Variants in ZNF705G observed in about 807,000 individuals in gnomAD.
The protein encoded by ZNF705G is zinc finger protein 705G.
Under a neutral mutation model 19.6 loss-of-function variants are expected in ZNF705G, and 23 were observed. That is an observed-to-expected ratio of 1.17 (90% CI 0.84 to 1.66). The LOEUF is 1.66. Among genes scored for constraint, ZNF705G ranks in the 40% most tolerant of loss-of-function variants. The pLI is 0.00. For missense variants in ZNF705G, 457 were observed against 354.4 expected, an observed-to-expected ratio of 1.29 and a Z score of -2.32; for synonymous variants, 146 against 117.7, an observed-to-expected ratio of 1.24 and a Z score of -1.56.
At chr8:7,358,953 G>A (rs1410999848) in intron 6 of ZNF705G, among the ~76,000 whole-genome samples, 2 of 149,506 alleles carry the variant, frequency 1.3e-5, no homozygotes, top group Non-Finnish European at 2.9e-5. Context: ...AATGCATATT[G>A]ATTGTCTCCC....
At chr8:7,380,054 C>T (rs1807418641) in intron 2 of ZNF705G, among the ~76,000 whole-genome samples, 1 of 142,966 alleles carries the variant, frequency 7.0e-6, no homozygotes, top group Non-Finnish European at 1.5e-5. Flanking sequence ...CAGTGTCCTA[C>T]ACTCCAGGGA....
intron 1 of ZNF705G, among the ~76,000 whole-genome samples, chr8:7,384,312 G>A (rs1298904801): frequency 6.9e-6 from 1 of 145,456 alleles, no homozygotes; most frequent in Non-Finnish European, 1.5e-5. Context: ...AAAAATCTTA[G>A]GAGGAGTCAA....
At chr8:7,362,816 C>T in intron 3 of ZNF705G, 119 bp downstream of exon 3, 2 of 1,585,062 alleles carry the variant, frequency 1.3e-6, no homozygotes, top group Non-Finnish European at 8.5e-7. Context: ...GATTTTACAT[C>T]ATAAAAACAA....
At chr8:7,366,211 C>T (rs1806849240) in intron 2 of ZNF705G, among the ~76,000 whole-genome samples, 1 of 95,682 alleles carries the variant, frequency 1.0e-5, no homozygotes, top group Admixed American at 1.1e-4. Context: ...AATGGAAAAT[C>T]CTATTATCTT....
In ZNF705G at chr8:7,360,273, T is replaced by C; in HGVS notation, c.199A>G (p.Arg67Gly). 6.6e-7 allele frequency: 1 copy of C among 1,520,320 alleles called. No individual in the cohort carries two copies. Among genetic ancestry groups the C allele is most frequent in the Non-Finnish European group, 9.0e-7 (1 of 1,117,266 alleles). 94.2% of individuals were successfully genotyped at this position (1,520,320 alleles called of 1,614,324 possible). A position where few individuals can be genotyped will look rare whatever the true frequency, so the allele number is the denominator to read the frequency against. Residue 67 changes from arginine to glycine, a missense_variant, in exon 5 of 7, where the codon AGG becomes GGG. Physicochemically the swap from Arg to Gly is moderately radical, Grantham distance 125. Coordinates refer to ENST00000400156, the MANE Select transcript of ZNF705G (RefSeq NM_001164457.3). ...LQLEQGKELW[R>G]EGRVFLQDQN... ...TCTTGAAGAAATACTCTTCCTTCCC[T>C]CCACAGCTCTTTTCCTTGCTCCAGC...
chr8:7,360,205 C>T (rs1181933639), intron 5 of ZNF705G, 32 bp downstream of exon 5: 1 of 1,588,508 alleles, frequency 6.3e-7, no homozygotes, highest in East Asian at 2.2e-5. Flanking sequence ...AAAGCACCTC[C>T]TCCTATTAGA....
chr8:7,364,494 G>A (rs1224313730), intron 2 of ZNF705G, among the ~76,000 whole-genome samples: 1 of 149,536 alleles, frequency 6.7e-6, no homozygotes, highest in Non-Finnish European at 1.5e-5. Context: ...ATGATCAACA[G>A]AGTTTGAAAA....
In ZNF705G at chr8:7,380,837, T is replaced by G. The variant is rs556771822; in HGVS notation, c.-72+615A>C. The stretch of plus-strand genomic sequence containing the variant: ...GAGTTCAAGACCAGCCTGACCAACA[T>G]GGAGAAACTCCATCTCTACTAAAGA... On this transcript the variant is annotated intron_variant, in intron 2 of 6. Coordinates refer to ENST00000400156, the MANE Select transcript of ZNF705G (RefSeq NM_001164457.3). 7.9e-3 allele frequency among the ~76,000 whole-genome samples: 1,138 copies of G among 143,780 alleles called. 98 individuals carry two copies. Among genetic ancestry groups the G allele is most frequent in the African/African-American group, 0.032 (1,084 of 34,158 alleles). 94.3% of individuals were successfully genotyped at this position (143,780 alleles called of 152,430 possible). A position where few individuals can be genotyped will look rare whatever the true frequency, so the allele number is the denominator to read the frequency against.
At chr8:7,384,963 G>A (rs1206040192) in intron 1 of ZNF705G, among the ~76,000 whole-genome samples, 6 of 145,874 alleles carry the variant, frequency 4.1e-5, no homozygotes, top group Non-Finnish European at 7.4e-5. Context: ...GCTGGGATTT[G>A]AACTATCCAC....
At chr8:7,378,136 T>G (rs1370733529) in intron 2 of ZNF705G, among the ~76,000 whole-genome samples, 1 of 147,752 alleles carries the variant, frequency 6.8e-6, no homozygotes, top group Non-Finnish European at 1.5e-5. Flanking sequence ...TCACCCTGCA[T>G]GTGGGAAGAC....
rs1471232209 is a variant in ZNF705G, at chr8:7,358,290, C to A, written c.589G>T (p.Glu197Ter). Residue 197 changes from glutamate to a stop codon, truncating the protein, a stop_gained, in exon 7 of 7, where the codon GAG (glutamate) becomes TAG (stop). Coordinates refer to ENST00000400156, the MANE Select transcript of ZNF705G (RefSeq NM_001164457.3). LOFTEE classifies it high-confidence loss of function. ...LRRHKMTHTG[E>*]RPYACHLCRK... is the part of the protein sequence containing the mutation. ...CATAGATGACATGCATATGGCCTCT[C>A]TCCAGTGTGAGTCATCTTGTGCCGT... The A allele has an allele frequency of 6.2e-7, 1 of 1,607,648 alleles. No homozygotes were observed. The highest frequency in any genetic ancestry group is 1.7e-5 in the Admixed American group (1 of 59,918).
chr8:7,379,273 A>C (rs1222740117), intron 2 of ZNF705G, among the ~76,000 whole-genome samples: 1 of 147,394 alleles, frequency 6.8e-6, no homozygotes, highest in African/African-American at 2.7e-5. Flanking sequence ...AACCAACTCA[A>C]CCCTATGGAA....
At chr8:7,364,992 T>C (rs536288323) in intron 2 of ZNF705G, among the ~76,000 whole-genome samples, 1 of 149,830 alleles carries the variant, frequency 6.7e-6, no homozygotes, top group South Asian at 2.1e-4. Flanking sequence ...ATTTGGGCTT[T>C]AGAGAATATT....
chr8:7,379,434 T>C (rs1276419520), intron 2 of ZNF705G, among the ~76,000 whole-genome samples: 1 of 147,332 alleles, frequency 6.8e-6, no homozygotes, highest in Non-Finnish European at 1.5e-5. Flanking sequence ...CTCTCATTGC[T>C]AGGAGGCGGT....
At chr8:7,379,396 T>C (rs1362611124) in intron 2 of ZNF705G, among the ~76,000 whole-genome samples, 1 of 147,234 alleles carries the variant, frequency 6.8e-6, no homozygotes. Flanking sequence ...TGGACACGTA[T>C]ATTAAAGCCG....
At position 7,356,557 on chromosome 8, in the gene ZNF705G, A is replaced by C. The variant is rs1806265386; in HGVS notation, c.*1419T>G. 1 of 149,624 alleles carries C rather than the reference A, an allele frequency of 6.7e-6. No homozygotes were observed. Among genetic ancestry groups the C allele is most frequent in the East Asian group, 1.9e-4 (1 of 5,194 alleles). The allele number at this position is 149,624 out of a possible 1,614,324, so 9.3% of individuals were successfully genotyped here. A position where few individuals can be genotyped will look rare whatever the true frequency, so the allele number is the denominator to read the frequency against. ...AAATCTATGCAATGACACACTGAGA[A>C]ATCTAGCAAGTGGGGCTGAAGATCC... On this transcript the variant is annotated 3_prime_UTR_variant, in exon 7 of 7. Transcript: ENST00000400156.
intron 2 of ZNF705G, among the ~76,000 whole-genome samples, chr8:7,365,780 C>T (rs1273919009): frequency 7.4e-5 from 11 of 149,526 alleles, no homozygotes; most frequent in Non-Finnish European, 1.5e-4. Context: ...CTTCCTAGCC[C>T]TTTCACGGCT....
rs532630886 is a variant in ZNF705G, at chr8:7,359,776, G to A, written c.236-75C>T. The A allele has an allele frequency of 5.5e-5, 88 of 1,598,406 alleles. 1 individual carries two copies. In the East Asian group the frequency reaches 6.7e-4, roughly 12 times the overall value. ...TTGTTTGAAAAGCCCCAAAGCCCAC[G>A]TACTTTTTTCAAAAATTGACACGTA... On this transcript the variant is annotated intron_variant, in intron 5 of 6. Coordinates refer to ENST00000400156, the MANE Select transcript of ZNF705G (RefSeq NM_001164457.3).
chr8:7,355,690 C>T lies in ZNF705G; in HGVS notation c.*2286G>A, dbSNP rs1004368612. The T allele has an allele frequency of 6.0e-5, 9 of 149,598 alleles. No individual in the cohort carries two copies. The highest frequency in any genetic ancestry group is 2.3e-4 in the African/African-American group (9 of 38,996). 9.3% of individuals were successfully genotyped at this position (149,598 alleles called of 1,614,324 possible). A position where few individuals can be genotyped will look rare whatever the true frequency, so the allele number is the denominator to read the frequency against. Reference sequence around the variant, plus strand: ...ATCTGCCACCATGCATTTGTCAAATCCCATAGAATTTCACAGCACAAATAG... The same window carrying T: ...ATCTGCCACCATGCATTTGTCAAATTCCATAGAATTTCACAGCACAAATAG... On this transcript the variant is annotated 3_prime_UTR_variant, in exon 7 of 7. Transcript: ENST00000400156.
Sources: gnomAD v4.1 joint callset for allele counts (sites outside exome capture counted in the v4.1 genomes callset) on GRCh38, gnomAD v4.1.1 for gene constraint, MANE v1.5 for transcripts, NCBI Gene and HGNC (gene_info 2026-07-23, HGNC 2026-07-21) for gene names.